Variants in DNAH6 observed in about 807,000 individuals in gnomAD.
DNAH6 encodes the protein axonemal beta dynein heavy chain 6.
A neutral mutation model predicts 491.4 loss-of-function variants in DNAH6; 340 were observed. The observed-to-expected ratio is 0.69, with a 90% CI of 0.63 to 0.76. The LOEUF is 0.76. Among genes scored for constraint, DNAH6 ranks in the 30% least tolerant of loss-of-function variants. DNAH6 has a pLI of 0.00. For synonymous variants in DNAH6, 1,603 were observed against 1,686.1 expected (o/e 0.95, Z 1.21); for missense variants, 4,443 against 4,972.2 (o/e 0.89, Z 3.20).
chr2:84,777,625 A>T (rs565624700), intron 64 of DNAH6: 2 of 802,906 alleles, frequency 2.5e-6, no homozygotes, highest in East Asian at 2.4e-5. Flanking sequence ...TCAGGGAGAC[A>T]TCAGCAACAT....
At chr2:84,477,450 C>T in the DNAH6 span, among the ~76,000 whole-genome samples, 4 of 152,144 alleles carry the variant, frequency 2.6e-5, no homozygotes, top group African/African-American at 9.7e-5. Context: ...TGGCGTTTCT[C>T]TGGTTCACAT....
intron 26 of DNAH6, among the ~76,000 whole-genome samples, chr2:84,624,031 T>G (rs1434931543): frequency 6.6e-6 from 1 of 152,242 alleles, no homozygotes; most frequent in East Asian, 1.9e-4. Context: ...AAGTTACTTA[T>G]GCTCTCTGAC....
At chr2:84,778,212 G>A (rs1279045847) in intron 64 of DNAH6, 4 of 667,156 alleles carry the variant, frequency 6.0e-6, no homozygotes, top group Non-Finnish European at 1.1e-5. Flanking sequence ...GCTGATCCTT[G>A]AGAGTTGCCA....
chr2:84,511,382 A>ATATAATCTCCTGGTGTGCCGTTTGC, the DNAH6 span, among the ~76,000 whole-genome samples: 10,255 of 152,016 alleles, frequency 0.067, 1,140 homozygotes, highest in African/African-American at 0.23. Context: ...CATGCGCGGG[A>ATATAATCTCCTGGTGTGCCGTTTGC]TATAATCTCC....
At chr2:84,569,231 T>C (rs569677246) in intron 11 of DNAH6, among the ~76,000 whole-genome samples, 2 of 152,172 alleles carry the variant, frequency 1.3e-5, no homozygotes, top group Admixed American at 1.3e-4. Context: ...TTAATTAATA[T>C]AGAGTGATTT....
chr2:84,517,749 TC>T, intron 1 of DNAH6, 69 bp from the exon 2 acceptor site: 1 of 1,205,520 alleles, frequency 8.3e-7, no homozygotes, highest in Non-Finnish European at 1.2e-6. Flanking sequence ...TAAGTCCCTC[TC>T]CAGTAGCCTC....
chr2:84,771,839 A>G (rs543359043), intron 64 of DNAH6, among the ~76,000 whole-genome samples: 7 of 152,364 alleles, frequency 4.6e-5, no homozygotes, highest in African/African-American at 1.7e-4. Context: ...GGAGTTGTTC[A>G]GACTAAAATG....
chr2:84,747,470 T>A (rs574379007), intron 63 of DNAH6, among the ~76,000 whole-genome samples: 1 of 152,312 alleles, frequency 6.6e-6, no homozygotes, highest in African/African-American at 2.4e-5. Flanking sequence ...ATGTCCTGCA[T>A]CCTGAGCATA....
intron 70 of DNAH6, among the ~76,000 whole-genome samples, chr2:84,801,241 T>A (rs1573852743): frequency 7.0e-5 from 8 of 115,024 alleles, no homozygotes; most frequent in South Asian, 2.7e-4. Context: ...AAACTTAAAG[T>A]ATAATTAAAA....
At chr2:84,674,565 CAG>C (rs1558890846) in intron 40 of DNAH6, among the ~76,000 whole-genome samples, 1 of 152,204 alleles carries the variant, frequency 6.6e-6, no homozygotes, top group African/African-American at 2.4e-5. Context: ...GTCACCAACA[CAG>C]GGAGCCCCGG....
In DNAH6 at chr2:84,670,401, CT is replaced by C; in HGVS notation, c.6381del (p.Ala2128LeufsTer24). The C allele has an allele frequency of 6.5e-7, 1 of 1,545,862 alleles. No homozygotes were observed. Among genetic ancestry groups the C allele is most frequent in the Non-Finnish European group, 8.7e-7 (1 of 1,143,314 alleles). On this transcript the variant is annotated frameshift_variant, in exon 39 of 77. Transcript: ENST00000389394. LOFTEE classifies it high-confidence loss of function. ...AGYVPVYLNF[S>X]AQTSSARTQE... ...TATGTCCCTGTTTATCTAAATTTTT[CT>C]GCTCAAACTTCATCTGCAAGGACAC...
the DNAH6 span, among the ~76,000 whole-genome samples, chr2:84,500,784 G>T: frequency 6.6e-6 from 1 of 151,984 alleles, no homozygotes; most frequent in Non-Finnish European, 1.5e-5. Context: ...TTTATTTGTG[G>T]CTATTATAAA....
intron 41 of DNAH6, among the ~76,000 whole-genome samples, chr2:84,678,746 T>C (rs1039468461): frequency 3.9e-5 from 6 of 152,176 alleles, no homozygotes; most frequent in Non-Finnish European, 5.9e-5. Context: ...CTGGCTGTGA[T>C]AAGGCTGCTT....
chr2:84,819,498 A>G lies in DNAH6; in HGVS notation c.*90A>G, dbSNP rs1680824661. The G allele has an allele frequency of 2.6e-6, 2 of 771,720 alleles. No individual in the cohort carries two copies. The highest frequency in any genetic ancestry group is 2.8e-5 in the Admixed American group (1 of 35,128). 47.8% of individuals were successfully genotyped at this position (771,720 alleles called of 1,614,324 possible). Reference sequence around the variant, plus strand: ...TTTGAATAATTTATATGTGAGCAAAACGGTGTTAATTCTGATTTGACTTAA... The same window carrying G: ...TTTGAATAATTTATATGTGAGCAAAGCGGTGTTAATTCTGATTTGACTTAA... On this transcript the variant is annotated 3_prime_UTR_variant, in exon 77 of 77. Transcript: ENST00000389394.
At chr2:84,773,145 G>A (rs1239494247) in intron 64 of DNAH6, among the ~76,000 whole-genome samples, 4 of 151,970 alleles carry the variant, frequency 2.6e-5, no homozygotes. Context: ...TGTTGCTGAA[G>A]TTTGGATACA....
At chr2:84,580,600 A>T (rs890260989) in intron 14 of DNAH6, among the ~76,000 whole-genome samples, 1 of 152,228 alleles carries the variant, frequency 6.6e-6, no homozygotes, top group African/African-American at 2.4e-5. Context: ...GCTATTTCAC[A>T]TGACTACAAA....
At chr2:84,554,912 T>C (rs7567850) in intron 10 of DNAH6, among the ~76,000 whole-genome samples, 124,515 of 152,232 alleles carry the variant, frequency 0.82, 53,502 homozygotes, top group East Asian at 0.99. Context: ...CTGGATACCC[T>C]TCTCATTTCC....
intron 40 of DNAH6, 91 bp downstream of exon 40, chr2:84,672,575 C>T: frequency 8.4e-7 from 1 of 1,196,558 alleles, no homozygotes; most frequent in Admixed American, 2.6e-5. Flanking sequence ...TAACAAAGTA[C>T]CACAGATGGG....
intron 44 of DNAH6, among the ~76,000 whole-genome samples, chr2:84,687,688 A>G (rs549805792): frequency 5.5e-4 from 84 of 152,254 alleles, no homozygotes; most frequent in Non-Finnish European, 1.1e-3. Context: ...TTTTAGTAAA[A>G]CATTCCAGGA....
Sources: gnomAD v4.1 joint callset for allele counts (sites outside exome capture counted in the v4.1 genomes callset) on GRCh38, gnomAD v4.1.1 for gene constraint, MANE v1.5 for transcripts, NCBI Gene and HGNC (gene_info 2026-07-23, HGNC 2026-07-21) for gene names.